The following ST7L variants were observed in gnomAD, a reference collection of about 807,000 sequenced individuals.
ST7L encodes the protein suppressor of tumorigenicity 7 protein-like.
ST7L carries 57 observed loss-of-function variants against 72.5 expected under a neutral mutation model. That is an observed-to-expected ratio of 0.79 (90% CI 0.64 to 0.98). ST7L has a LOEUF of 0.98. ST7L is among the 50% of genes least tolerant of loss of function. The probability of loss-of-function intolerance (pLI) is 0.00; values close to 1 mark genes in which losing one functional copy is unlikely to be tolerated. For synonymous variants in ST7L, 221 were observed against 240.9 expected, an observed-to-expected ratio of 0.92 and a Z score of 0.77; for missense variants, 576 against 672.2, an observed-to-expected ratio of 0.86 and a Z score of 1.58.
rs1386102928 is a variant in ST7L, at chr1:112,616,688, A to G, written c.288+125T>C. ...AACCTGGAAGGCGGAAGTTGCAGTG[A>G]GCCGAGATCATGCCACTGCACTCCA... On this transcript the variant is annotated intron_variant, in intron 2 of 14. Transcript: ENST00000358039. The G allele has an allele frequency of 5.2e-6, 3 of 578,186 alleles. No homozygotes were observed. The East Asian group carries it at 1.2e-4, about 23-fold the overall frequency. 35.8% of individuals were successfully genotyped at this position (578,186 alleles called of 1,614,324 possible).
chr1:112,558,176 T>C (rs868724135), intron 11 of ST7L, among the ~76,000 whole-genome samples: 2 of 152,232 alleles, frequency 1.3e-5, no homozygotes, highest in Admixed American at 1.3e-4. Flanking sequence ...TATCAAATTA[T>C]GTGTCATAAG....
In ST7L at chr1:112,578,356, A is replaced by T. The variant is rs1022036947; in HGVS notation, c.1131T>A (p.Thr377=). The change falls in exon 10 of 15, where the codon ACT becomes ACA. Residue 377 remains threonine (T), a synonymous_variant. Coordinates refer to ENST00000358039, the MANE Select transcript of ST7L (RefSeq NM_017744.5). ...CYTAALLKTR[T]VSEKFSPETA... ...TTTATAACACGTACTTTTCTGAAAC[A>T]GTCCTTGTCTTCAACAGTGCTGCTG... 1.2e-6 allele frequency: 2 copies of T among 1,613,976 alleles called. No individual in the cohort carries two copies. Among genetic ancestry groups the T allele is most frequent in the African/African-American group, 2.7e-5 (2 of 74,942 alleles).
intron 1 of ST7L, chr1:112,618,061 A>G: frequency 7.7e-7 from 1 of 1,304,138 alleles, no homozygotes; most frequent in Non-Finnish European, 1.0e-6. Context: ...CTTTTGCTTC[A>G]GAAAAATCAA....
intron 13 of ST7L, among the ~76,000 whole-genome samples, chr1:112,546,681 C>T (rs1429968137): frequency 1.3e-5 from 2 of 152,096 alleles, no homozygotes; most frequent in Admixed American, 1.3e-4. Context: ...TTATGAAGTC[C>T]AAATATAATT....
In ST7L at chr1:112,591,451, A is replaced by C. The variant is rs1291497890; in HGVS notation, c.701+74T>G. 1.0e-5 allele frequency: 13 copies of C among 1,286,916 alleles called. No individual in the cohort carries two copies. The Admixed American group carries it at 2.5e-4, about 25-fold the overall frequency. 79.7% of individuals were successfully genotyped at this position (1,286,916 alleles called of 1,614,324 possible). On this transcript the variant is annotated intron_variant, in intron 6 of 14. Coordinates refer to ENST00000358039, the MANE Select transcript of ST7L (RefSeq NM_017744.5). ...ATGACTCCAAGTGTCTTAGGAACAGACAAAGGAGACATAAAAATCATTTGC... is the reference window on the plus strand; with the variant it reads ...ATGACTCCAAGTGTCTTAGGAACAGCCAAAGGAGACATAAAAATCATTTGC...
intron 11 of ST7L, among the ~76,000 whole-genome samples, chr1:112,572,947 G>C (rs1379216940): frequency 6.6e-6 from 1 of 152,050 alleles, no homozygotes; most frequent in Admixed American, 6.6e-5. Flanking sequence ...AAAATAAATA[G>C]TAGAAAAAAC....
At chr1:112,574,527 CG>C (rs1662767582) in intron 11 of ST7L, among the ~76,000 whole-genome samples, 1 of 151,286 alleles carries the variant, frequency 6.6e-6, no homozygotes, top group Non-Finnish European at 1.5e-5. Context: ...GGCGTGGTGG[CG>C]GGCGCCTGCA....
At chr1:112,537,862 TAGCC>T (rs1162557723) in intron 14 of ST7L, among the ~76,000 whole-genome samples, 2 of 152,228 alleles carry the variant, frequency 1.3e-5, no homozygotes, top group Non-Finnish European at 2.9e-5. Context: ...CTATTCCACA[TAGCC>T]GTATACCATG....
chr1:112,584,547 G>A (rs1429111298), intron 6 of ST7L, among the ~76,000 whole-genome samples: 1 of 151,972 alleles, frequency 6.6e-6, no homozygotes, highest in Non-Finnish European at 1.5e-5. Context: ...GAGTGCAATG[G>A]CCCAATCTTG....
At chr1:112,531,530 C>T (rs7513848) in intron 14 of ST7L, among the ~76,000 whole-genome samples, 3,049 of 152,290 alleles carry the variant, frequency 0.02, 104 homozygotes, top group African/African-American at 0.069. Flanking sequence ...TTAGTCTAGA[C>T]TGACCTTTTG....
At chr1:112,548,261 G>A (rs1657498405) in intron 13 of ST7L, among the ~76,000 whole-genome samples, 1 of 152,242 alleles carries the variant, frequency 6.6e-6, no homozygotes, top group African/African-American at 2.4e-5. Context: ...TGGAGGTTGA[G>A]GCAGGAGAAT....
intron 1 of ST7L, 200 bp downstream of exon 1, chr1:112,618,709 C>T: frequency 1.7e-6 from 2 of 1,191,840 alleles, no homozygotes; most frequent in Non-Finnish European, 2.3e-6. Context: ...CTTAAGAGTT[C>T]TACGGAGGAG....
At chr1:112,519,495 T>C (rs575752974), downstream of ST7L, among the ~76,000 whole-genome samples, 21 of 152,184 alleles carry the variant, frequency 1.4e-4, no homozygotes, top group Non-Finnish European at 2.4e-4. Context: ...AAAAGTCTAT[T>C]GATTTTATGA....
intron 4 of ST7L, 148 bp downstream of exon 4, chr1:112,600,646 A>G: frequency 1.4e-6 from 1 of 707,014 alleles, no homozygotes. Context: ...GATGCTGCCA[A>G]ATAAACTGTG....
chr1:112,559,359 G>A (rs150478078), intron 11 of ST7L, among the ~76,000 whole-genome samples: 2,578 of 151,824 alleles, frequency 0.017, 25 homozygotes, highest in African/African-American at 0.022. Flanking sequence ...TCAGCCTCCC[G>A]AGTAGCTGGG....
chr1:112,542,834 C>T (rs1423983059), intron 13 of ST7L, among the ~76,000 whole-genome samples: 1 of 151,928 alleles, frequency 6.6e-6, no homozygotes, highest in Admixed American at 6.6e-5. Context: ...GAGTCTCGCT[C>T]TGTTGCCTAG....
chr1:112,553,048 T>C (rs902517984), intron 12 of ST7L, among the ~76,000 whole-genome samples: 3 of 151,724 alleles, frequency 2.0e-5, no homozygotes, highest in African/African-American at 7.3e-5. Context: ...ACAGAATATC[T>C]GCTTTTGAAA....
chr1:112,600,479 C>T (rs566030938), intron 4 of ST7L, among the ~76,000 whole-genome samples: 111 of 152,076 alleles, frequency 7.3e-4, no homozygotes, highest in African/African-American at 2.6e-3. Context: ...GCCTATAGTC[C>T]CAGCTACTTG....
At chr1:112,560,132 C>T (rs527609923) in intron 11 of ST7L, among the ~76,000 whole-genome samples, 31 of 152,298 alleles carry the variant, frequency 2.0e-4, no homozygotes, top group Non-Finnish European at 3.5e-4. Context: ...CAGTGGTTCA[C>T]GCCTGTAATC....
Sources: gnomAD v4.1 joint callset for allele counts (sites outside exome capture counted in the v4.1 genomes callset) on GRCh38, gnomAD v4.1.1 for gene constraint, MANE v1.5 for transcripts, NCBI Gene and HGNC (gene_info 2026-07-23, HGNC 2026-07-21) for gene names.